Variants in MYRIP observed in about 807,000 individuals in gnomAD.
MYRIP encodes rab effector MyRIP.
A neutral mutation model predicts 98.0 loss-of-function variants in MYRIP; 49 were observed. That is an observed-to-expected ratio of 0.50 (90% CI 0.40 to 0.63). The LOEUF (loss-of-function observed/expected upper bound fraction) is 0.63, where lower values mean the gene tolerates loss of function less well. Ranked by LOEUF, MYRIP falls within the 30% of genes least tolerant of loss-of-function variation. MYRIP has a pLI of 0.00. For missense variants in MYRIP, 1,004 were observed against 1,058.2 expected, an observed-to-expected ratio of 0.95 and a Z score of 0.71; for synonymous variants, 404 against 409.5, an observed-to-expected ratio of 0.99 and a Z score of 0.16.
intron 2 of MYRIP, among the ~76,000 whole-genome samples, chr3:40,009,241 T>G (rs1946702223): frequency 6.6e-6 from 1 of 150,628 alleles, no homozygotes; most frequent in African/African-American, 2.4e-5. Flanking sequence ...CTACTTCTTT[T>G]TTTTTTTTTT....
chr3:40,151,263 G>T, intron 4 of MYRIP, 79 bp downstream of exon 4: 1 of 1,450,680 alleles, frequency 6.9e-7, no homozygotes, highest in East Asian at 2.4e-5. Flanking sequence ...CCTGAACACT[G>T]GAGCACACTC....
chr3:39,810,364 G>A (rs972020223), intron 1 of MYRIP: 5 of 152,490 alleles, frequency 3.3e-5, no homozygotes, highest in African/African-American at 9.6e-5. Context: ...GTAAAACGGG[G>A]GTAATCAGGG....
intron 11 of MYRIP, among the ~76,000 whole-genome samples, chr3:40,228,913 A>G (rs1045884902): frequency 1.3e-5 from 2 of 152,208 alleles, no homozygotes; most frequent in Admixed American, 1.3e-4. Context: ...CCACGAAGCC[A>G]GACATCCGAT....
intron 3 of MYRIP, among the ~76,000 whole-genome samples, chr3:40,077,461 T>C (rs936144478): frequency 6.7e-6 from 1 of 149,194 alleles, no homozygotes; most frequent in Non-Finnish European, 1.5e-5. Flanking sequence ...AGATACTGTG[T>C]GTGGACACAA....
chr3:40,248,600 C>G (rs903015510), intron 13 of MYRIP: 1 of 152,190 alleles, frequency 6.6e-6, no homozygotes, highest in African/African-American at 2.4e-5. Context: ...TATTCCAGAA[C>G]CTGATAGTCC....
intron 2 of MYRIP, among the ~76,000 whole-genome samples, chr3:39,972,125 A>G (rs1344068322): frequency 2.6e-5 from 4 of 152,054 alleles, no homozygotes; most frequent in South Asian, 2.1e-4. Context: ...TTAAACTTCA[A>G]TTACTTTTTA....
intron 1 of MYRIP, among the ~76,000 whole-genome samples, chr3:39,854,189 G>A (rs1241071877): frequency 6.6e-6 from 1 of 152,138 alleles, no homozygotes. Flanking sequence ...GTTAGGTAAT[G>A]TGATCTAGCA....
chr3:40,186,425 C>T (rs1174605928), intron 9 of MYRIP, among the ~76,000 whole-genome samples: 1 of 152,142 alleles, frequency 6.6e-6, no homozygotes, highest in East Asian at 1.9e-4. Flanking sequence ...GAAAGAAAAT[C>T]AGGCAATAAA....
chr3:40,013,526 G>A (rs1408200823), intron 2 of MYRIP, among the ~76,000 whole-genome samples: 1 of 152,210 alleles, frequency 6.6e-6, no homozygotes, highest in Non-Finnish European at 1.5e-5. Flanking sequence ...GCAACATACT[G>A]GAAAGAGGGA....
chr3:39,914,390 T>C lies in MYRIP; in HGVS notation c.110+13464T>C, dbSNP rs145383753. ...CAATCCATTAAAAAAGATACCTTATTATACAATTGTTAAAAGCCATATTAT... is the reference window on the plus strand; with the variant it reads ...CAATCCATTAAAAAAGATACCTTATCATACAATTGTTAAAAGCCATATTAT... On this transcript the variant is annotated intron_variant, in intron 2 of 16. Transcript: ENST00000302541. Among the ~76,000 whole-genome samples, 1,058 of 152,128 alleles carry C rather than the reference T, an allele frequency of 7.0e-3. 2 individuals are homozygous for C. The highest frequency in any genetic ancestry group is 9.9e-3 in the Non-Finnish European group (673 of 67,956).
chr3:40,182,492 C>A, intron 9 of MYRIP, 119 bp downstream of exon 9: 1 of 1,168,476 alleles, frequency 8.6e-7, no homozygotes. Flanking sequence ...TGGTGTGTGT[C>A]CCTCTGGGCT....
intron 1 of MYRIP, among the ~76,000 whole-genome samples, chr3:39,850,105 A>G (rs1209021324): frequency 6.6e-6 from 1 of 152,152 alleles, no homozygotes; most frequent in Non-Finnish European, 1.5e-5. Flanking sequence ...AGTCGAGTAG[A>G]GGACTAGTCT....
intron 13 of MYRIP, 86 bp from the exon 14 acceptor site, chr3:40,250,136 G>T: frequency 9.0e-7 from 1 of 1,110,182 alleles, no homozygotes; most frequent in Non-Finnish European, 1.3e-6. Flanking sequence ...AAGCAGATTT[G>T]TCTTTATAAA....
intron 2 of MYRIP, among the ~76,000 whole-genome samples, chr3:40,012,327 T>A (rs1946775758): frequency 6.6e-6 from 1 of 152,246 alleles, no homozygotes. Context: ...TGTGTTTAAA[T>A]GTGCATGTTG....
intron 2 of MYRIP, among the ~76,000 whole-genome samples, chr3:39,911,317 T>C (rs1203991257): frequency 6.6e-6 from 1 of 152,230 alleles, no homozygotes; most frequent in Non-Finnish European, 1.5e-5. Flanking sequence ...GATGCTCTTA[T>C]TTGCTTTTTA....
At chr3:39,821,318 C>G (rs903070192) in intron 1 of MYRIP, among the ~76,000 whole-genome samples, 1 of 149,750 alleles carries the variant, frequency 6.7e-6, no homozygotes, top group Non-Finnish European at 1.5e-5. Context: ...CACTGCCCAC[C>G]CCCGACCCCT....
intron 1 of MYRIP, among the ~76,000 whole-genome samples, chr3:39,862,547 A>C (rs1942504411): frequency 6.6e-6 from 1 of 152,238 alleles, no homozygotes; most frequent in Non-Finnish European, 1.5e-5. Flanking sequence ...AAAAAGTCAA[A>C]GAAGGCATTT....
chr3:40,059,821 A>G (rs1031477852), intron 3 of MYRIP, among the ~76,000 whole-genome samples: 1 of 152,212 alleles, frequency 6.6e-6, no homozygotes, highest in African/African-American at 2.4e-5. Context: ...CCAGATCAAC[A>G]TTCCATCCAA....
intron 3 of MYRIP, among the ~76,000 whole-genome samples, chr3:40,119,528 T>C (rs1256534862): frequency 6.6e-6 from 1 of 151,890 alleles, no homozygotes; most frequent in Non-Finnish European, 1.5e-5. Flanking sequence ...GGAGGTGTGG[T>C]GAACACAGGT....
Sources: allele counts gnomAD v4.1 joint callset (sites outside exome capture counted in the v4.1 genomes callset), GRCh38; gene constraint gnomAD v4.1.1; transcripts MANE v1.5; gene names NCBI Gene and HGNC (gene_info 2026-07-23, HGNC 2026-07-21).